FER: variants seen among roughly 807,000 people sequenced by gnomAD.
FER encodes tyrosine-protein kinase Fer.
FER carries 63 observed loss-of-function variants against 111.0 expected under a neutral mutation model. That is an observed-to-expected ratio of 0.57 (90% confidence interval 0.46 to 0.70). The LOEUF is 0.70. Among genes scored for constraint, FER ranks in the 30% least tolerant of loss-of-function variants. FER has a pLI of 0.00. For missense variants in FER, 914 were observed against 954.0 expected, an observed-to-expected ratio of 0.96 and a Z score of 0.55; for synonymous variants, 327 against 313.9, an observed-to-expected ratio of 1.04 and a Z score of -0.44.
chr5:109,132,062 A>T (rs1752415000), intron 17 of FER, among the ~76,000 whole-genome samples: 1 of 152,228 alleles, frequency 6.6e-6, no homozygotes, highest in Non-Finnish European at 1.5e-5. Context: ...TGCAACAAGC[A>T]GTTACTTTTA....
At position 108,997,931 on chromosome 5, in the gene FER, C is replaced by T. The variant is rs117948680; in HGVS notation, c.1656+38584C>T. ...GAAATTCCCTGTGGCTTTGTTTACA[C>T]TGTGAGGGTAAAACCACCTACTCAA... On this transcript the variant is annotated intron_variant, in intron 13 of 19. Coordinates refer to ENST00000281092, the MANE Select transcript of FER (RefSeq NM_005246.4). 6.1e-4 allele frequency among the ~76,000 whole-genome samples: 93 copies of T among 152,184 alleles called. No individual in the cohort carries two copies. The East Asian group carries it at 7.2e-3, about 12-fold the overall frequency.
intron 13 of FER, among the ~76,000 whole-genome samples, chr5:109,031,215 G>A (rs1159219902): frequency 6.6e-6 from 1 of 152,084 alleles, no homozygotes; most frequent in Non-Finnish European, 1.5e-5. Flanking sequence ...ACTGCCTTCT[G>A]TTGTGGCGGT....
At position 108,897,701 on chromosome 5, in the gene FER, G is replaced by C. The variant is rs1340128801; in HGVS notation, c.1089G>C (p.Leu363=). The part of the protein sequence containing the change: ...LLSQKQALEE[L]KQSVQQLRCT... ...GCCAAAAACAGGCACTTGAAGAACT[G>C]AAACAGTCAGTCCAGCAGCTGAGAT... The change falls in exon 10 of 20, where the codon CTG becomes CTC. Residue 363 remains leucine (L), a synonymous_variant. Coordinates refer to ENST00000281092, the MANE Select transcript of FER (RefSeq NM_005246.4). The C allele has an allele frequency of 6.2e-7, 1 of 1,609,346 alleles. No individual in the cohort carries two copies. Among genetic ancestry groups the C allele is most frequent in the African/African-American group, 1.3e-5 (1 of 74,584 alleles).
At chr5:108,994,015 A>G (rs542200116) in intron 13 of FER, among the ~76,000 whole-genome samples, 138 of 152,160 alleles carry the variant, frequency 9.1e-4, no homozygotes, top group Non-Finnish European at 1.7e-3. Context: ...TGTAGGTTCT[A>G]GATATTAATA....
chr5:108,844,996 G>GTGTA (rs1761755814), intron 5 of FER, among the ~76,000 whole-genome samples: 4 of 29,280 alleles, frequency 1.4e-4, no homozygotes, highest in Non-Finnish European at 2.8e-4. Flanking sequence ...GTGTGTGTGT[G>GTGTA]TATATATATA....
chr5:108,947,412 T>G (rs1358460823), intron 11 of FER, among the ~76,000 whole-genome samples: 1 of 152,076 alleles, frequency 6.6e-6, no homozygotes, highest in Admixed American at 6.6e-5. Context: ...TGAAGTAGTA[T>G]CTTACTGTAG....
At chr5:108,835,852 C>G in intron 5 of FER, 45 bp downstream of exon 5, 1 of 1,097,938 alleles carries the variant, frequency 9.1e-7, no homozygotes, top group Non-Finnish European at 1.3e-6. Flanking sequence ...GATTTTTATT[C>G]TTACTGTTTG....
rs773460747 is a variant in FER at position 109,047,164 on chromosome 5, A to G, written c.1890A>G (p.Arg630=). The change falls in exon 16 of 20, where the codon AGA becomes AGG. Residue 630 remains arginine, a synonymous_variant. Transcript: ENST00000281092. ...IVKLIGVCTQ[R]QPVYIIMELV... ...AACTTATAGGAGTTTGCACACAAAG[A>G]CAGCCTGTCTACATCATTATGGAAC... 5 of 1,608,658 alleles carry G rather than the reference A, an allele frequency of 3.1e-6. No homozygotes were observed. The African/African-American group carries it at 6.7e-5, about 22-fold the overall frequency.
chr5:108,903,708 T>C (rs1750361587), intron 10 of FER, among the ~76,000 whole-genome samples: 1 of 152,256 alleles, frequency 6.6e-6, no homozygotes, highest in African/African-American at 2.4e-5. Context: ...TTCTAAAAAA[T>C]GTACCTTAGT....
At chr5:108,926,046 T>C (rs985626822) in intron 10 of FER, among the ~76,000 whole-genome samples, 1 of 149,412 alleles carries the variant, frequency 6.7e-6, no homozygotes, top group African/African-American at 2.5e-5. Flanking sequence ...ATATATTCTT[T>C]TATGATCCTT....
chr5:108,934,725 C>A (rs1755208602), intron 10 of FER, among the ~76,000 whole-genome samples: 1 of 152,108 alleles, frequency 6.6e-6, no homozygotes, highest in African/African-American at 2.4e-5. Context: ...AGTGACCTTG[C>A]TACTGCTGAG....
intron 10 of FER, among the ~76,000 whole-genome samples, chr5:108,908,405 A>G (rs1431730024): frequency 6.6e-6 from 1 of 152,212 alleles, no homozygotes; most frequent in Non-Finnish European, 1.5e-5. Context: ...TGCCTATACA[A>G]TAGTTTTTGG....
rs551454820 is a variant in FER at position 109,187,673 on chromosome 5, G to T, written c.*98G>T. 1.0e-5 allele frequency: 14 copies of T among 1,373,208 alleles called. No homozygotes were observed. Among genetic ancestry groups the T allele is most frequent in the Non-Finnish European group, 1.4e-5 (14 of 997,388 alleles). 85.1% of individuals were successfully genotyped at this position (1,373,208 alleles called of 1,614,324 possible). The stretch of plus-strand genomic sequence containing the variant: ...AATGAATTTATACCACATTACCTTC[G>T]ACAGTCTTCTACCATTATTTTTTAT... On this transcript the variant is annotated 3_prime_UTR_variant, in exon 20 of 20. Transcript: ENST00000281092.
chr5:109,052,151 C>T, intron 16 of FER: 1 of 1,606,498 alleles, frequency 6.2e-7, no homozygotes, highest in Non-Finnish European at 8.5e-7. Context: ...AGTTTCTCTT[C>T]CTTTTGCATC....
chr5:108,760,767 C>T (rs192554633), intron 1 of FER, among the ~76,000 whole-genome samples: 6 of 152,282 alleles, frequency 3.9e-5, no homozygotes, highest in Admixed American at 2.0e-4. Flanking sequence ...TTTGATCTAT[C>T]TAGACTACTG....
chr5:108,959,197 T>G lies in FER; in HGVS notation c.1534-28T>G, dbSNP rs772614644. The G allele has an allele frequency of 2.5e-6, 4 of 1,593,522 alleles. No homozygotes were observed. The Admixed American group carries it at 7.2e-5, about 29-fold the overall frequency. On this transcript the variant is annotated intron_variant, in intron 12 of 19. Coordinates refer to ENST00000281092, the MANE Select transcript of FER (RefSeq NM_005246.4). Reference sequence around the variant, plus strand: ...ATTTTCTAAAGCAATGTCTTCACATTTATTCTACCTTATTGTTCTCTCTCC... The same window carrying G: ...ATTTTCTAAAGCAATGTCTTCACATGTATTCTACCTTATTGTTCTCTCTCC...
intron 9 of FER, among the ~76,000 whole-genome samples, chr5:108,885,170 GCCATGTAA>G (rs761684459): frequency 4.0e-5 from 6 of 151,824 alleles, no homozygotes; most frequent in Non-Finnish European, 5.9e-5. Context: ...GAACTCCGTG[GCCATGTAA>G]CCAATTGCCT....
rs549912683 is a variant in FER, at chr5:108,879,998, A to G, written c.924-3398A>G. ...AGTGCTGGGATTACAGATGTGAGCC[A>G]CTGCTCCTGGCCTCCCTGTATAATT... On this transcript the variant is annotated intron_variant, in intron 8 of 19. Transcript: ENST00000281092. Among the ~76,000 whole-genome samples the G allele has an allele frequency of 4.6e-5, 7 of 152,096 alleles. No individual in the cohort carries two copies. The South Asian group carries it at 1.5e-3, about 32-fold the overall frequency.
chr5:108,832,766 T>TA lies in FER; in HGVS notation c.208-2dup, dbSNP rs772136465. 4 of 1,438,254 alleles carry TA rather than the reference T, an allele frequency of 2.8e-6. No individual in the cohort carries two copies. Among genetic ancestry groups the TA allele is most frequent in the South Asian group, 1.7e-5 (1 of 60,488 alleles). The allele number at this position is 1,438,254 out of a possible 1,614,324, so 89.1% of individuals were successfully genotyped here. On this transcript the variant is annotated splice_polypyrimidine_tract_variant and splice_region_variant and intron_variant, in intron 3 of 19. Coordinates refer to ENST00000281092, the MANE Select transcript of FER (RefSeq NM_005246.4). Reference sequence around the variant, plus strand: ...TGTTTGTTTCTTTTTTTTTTTTTTTTAAGTCTTGGCTACTTATGATTCAGC... The same window carrying TA: ...TGTTTGTTTCTTTTTTTTTTTTTTTTAAAGTCTTGGCTACTTATGATTCAGC...
Sources: gnomAD v4.1 joint callset for allele counts (sites outside exome capture counted in the v4.1 genomes callset) on GRCh38, gnomAD v4.1.1 for gene constraint, MANE v1.5 for transcripts, NCBI Gene and HGNC (gene_info 2026-07-23, HGNC 2026-07-21) for gene names.